Variants in DNPEP observed in about 807,000 individuals in gnomAD.
DNPEP encodes the protein aspartyl aminopeptidase.
Under a neutral mutation model 59.1 loss-of-function variants are expected in DNPEP, and 46 were observed. The ratio of observed to expected loss-of-function variants is 0.78; its 90% CI spans 0.61 to 0.99. The LOEUF (loss-of-function observed/expected upper bound fraction) is 0.99, where lower values mean the gene tolerates loss of function less well. Ranked by LOEUF, DNPEP falls within the 50% of genes least tolerant of loss-of-function variation. The pLI, the probability that DNPEP is intolerant of heterozygous loss-of-function variation, is 0.00. For synonymous variants in DNPEP, 229 were observed against 242.2 expected (o/e 0.95, Z 0.50); for missense variants, 617 against 649.9 (o/e 0.95, Z 0.55).
chr2:219,381,919 G>T, intron 11 of DNPEP, 60 bp downstream of exon 11: 1 of 1,587,474 alleles, frequency 6.3e-7, no homozygotes, highest in Non-Finnish European at 8.6e-7. Context: ...GAGCCTCAAG[G>T]CAGGTTATGC....
upstream of DNPEP, among the ~76,000 whole-genome samples, chr2:219,391,437 T>C (rs1160949724): frequency 1.3e-5 from 2 of 152,146 alleles, no homozygotes; most frequent in Non-Finnish European, 2.9e-5. Flanking sequence ...ATTTCCACCA[T>C]GCAGACACAA....
Position 219,387,899 on chromosome 2 carries a change from C to T in DNPEP, c.-105G>A. The T allele has an allele frequency of 1.4e-6, 2 of 1,397,942 alleles. No individual in the cohort carries two copies. The highest frequency in any genetic ancestry group is 1.6e-5 in the South Asian group (1 of 64,186). The allele number at this position is 1,397,942 out of a possible 1,614,324, so 86.6% of individuals were successfully genotyped here. On this transcript the variant is annotated 5_prime_UTR_variant, in exon 1 of 15. Transcript: ENST00000273075. The stretch of plus-strand genomic sequence containing the variant: ...TTCAGGCCGCGCCGCACTCGTAGGC[C>T]TTCATCACGCTTCCCCGGCCGCGCC...
chr2:219,399,704 C>T (rs572261885), intron 1 of DNPEP, among the ~76,000 whole-genome samples: 17 of 152,348 alleles, frequency 1.1e-4, no homozygotes, highest in Non-Finnish European at 2.2e-4. Context: ...TGTTAAGCCA[C>T]TTGCTCGAGG....
intron 8 of DNPEP, 172 bp from the exon 9 acceptor site, chr2:219,384,615 C>A: frequency 1.9e-6 from 1 of 524,954 alleles, no homozygotes; most frequent in East Asian, 3.5e-5. Flanking sequence ...GTCGCCCAGT[C>A]TGAAGTGCAA....
chr2:219,387,627 C>A, intron 1 of DNPEP, 132 bp downstream of exon 1: 2 of 1,545,162 alleles, frequency 1.3e-6, no homozygotes, highest in Non-Finnish European at 1.7e-6. Flanking sequence ...CGTCAGGTCA[C>A]CCTCCGCGGG....
intron 13 of DNPEP, among the ~76,000 whole-genome samples, chr2:219,378,006 T>C (rs946048247): frequency 2.6e-5 from 4 of 151,160 alleles, no homozygotes; most frequent in African/African-American, 4.9e-5. Context: ...AACAAAAATA[T>C]ATCCAATATA....
At chr2:219,389,211 GTAT>G (rs1198110462), upstream of DNPEP, among the ~76,000 whole-genome samples, 1 of 152,128 alleles carries the variant, frequency 6.6e-6, no homozygotes, top group Non-Finnish European at 1.5e-5. Context: ...GGCAGTTCCA[GTAT>G]TCCCATGTCA....
chr2:219,399,317 C>T (rs1026929280), intron 1 of DNPEP: 25 of 377,998 alleles, frequency 6.6e-5, no homozygotes, highest in East Asian at 1.5e-4. Context: ...AAACAGAAAC[C>T]GACCCACCCT....
chr2:219,393,962 C>A (rs1954057285), intron 1 of DNPEP, among the ~76,000 whole-genome samples: 4 of 152,144 alleles, frequency 2.6e-5, no homozygotes. Context: ...TTCCCTTTCT[C>A]CTGCATTATC....
upstream of DNPEP, among the ~76,000 whole-genome samples, chr2:219,393,249 G>A (rs1954046458): frequency 6.6e-6 from 1 of 152,132 alleles, no homozygotes. Context: ...GCTGCATGTG[G>A]TCCATAGGTG....
At position 219,387,859 on chromosome 2, in the gene DNPEP, T is replaced by A; in HGVS notation, c.-65A>T. ...CCCCGCCCCTCACTAGCTTTGCAGGTCCCCCGCGTGCCCCTTCAGGCCGCG... is the reference window on the plus strand; with the variant it reads ...CCCCGCCCCTCACTAGCTTTGCAGGACCCCCGCGTGCCCCTTCAGGCCGCG... On this transcript the variant is annotated 5_prime_UTR_variant, in exon 1 of 15. Coordinates refer to ENST00000273075, the MANE Select transcript of DNPEP (RefSeq NM_012100.4). 2.1e-6 allele frequency: 3 copies of A among 1,419,370 alleles called. No homozygotes were observed. The highest frequency in any genetic ancestry group is 2.8e-6 in the Non-Finnish European group (3 of 1,085,700). The allele number at this position is 1,419,370 out of a possible 1,614,324, so 87.9% of individuals were successfully genotyped here.
At chr2:219,393,086 G>A (rs1954043731), upstream of DNPEP, among the ~76,000 whole-genome samples, 1 of 151,982 alleles carries the variant, frequency 6.6e-6, no homozygotes. Context: ...GGCTTCCCTG[G>A]GCCACATTGG....
upstream of DNPEP, among the ~76,000 whole-genome samples, chr2:219,389,959 G>C (rs1245905342): frequency 6.6e-6 from 1 of 152,192 alleles, no homozygotes; most frequent in African/African-American, 2.4e-5. Context: ...CCGAAACAAG[G>C]CTACAATGTA....
chr2:219,378,795 G>A (rs902141422), intron 13 of DNPEP, among the ~76,000 whole-genome samples: 7 of 152,120 alleles, frequency 4.6e-5, no homozygotes, highest in Admixed American at 6.5e-5. Flanking sequence ...CGATGCCGGC[G>A]TAAATAAATC....
At chr2:219,393,254 T>C (rs536439682), upstream of DNPEP, among the ~76,000 whole-genome samples, 1 of 152,262 alleles carries the variant, frequency 6.6e-6, no homozygotes, top group South Asian at 2.1e-4. Flanking sequence ...ATGTGGTCCA[T>C]AGGTGGTGGG....
Position 219,374,092 on chromosome 2 carries a change from G to T in DNPEP, c.*200C>A. ...GATTTAAAACCATCAGCTCCCAGGA[G>T]TGTGGCCTCCTCCACCTGCTCCCCA... On this transcript the variant is annotated 3_prime_UTR_variant, in exon 15 of 15. Transcript: ENST00000273075. 3.5e-6 allele frequency: 2 copies of T among 579,152 alleles called. No individual in the cohort carries two copies. Among genetic ancestry groups the T allele is most frequent in the Non-Finnish European group, 3.1e-6 (1 of 323,126 alleles). 35.9% of individuals were successfully genotyped at this position (579,152 alleles called of 1,614,324 possible).
Position 219,386,031 on chromosome 2 carries a change from T to A in DNPEP, c.527A>T (p.His176Leu). The part of the protein sequence containing the change: ...HVERPILRIP[H>L]LAIHLQRNIN... ...ATTTCGCTGCAGATGGATGGCCAGG[T>A]GTGGGATGCGAAGAATGGGCCGCTC... The change falls in exon 6 of 15, where the codon CAC (histidine) becomes CTC (leucine). Residue 176 changes from histidine (H) to leucine (L), a missense_variant. His to Leu is a moderately conservative substitution (Grantham distance 99, BLOSUM62 -3). Transcript: ENST00000273075. The A allele has an allele frequency of 6.2e-7, 1 of 1,614,162 alleles. No homozygotes were observed. The highest frequency in any genetic ancestry group is 1.1e-5 in the South Asian group (1 of 91,086).
chr2:219,399,257 A>G (rs1163379153), intron 1 of DNPEP, among the ~76,000 whole-genome samples: 6 of 152,324 alleles, frequency 3.9e-5, no homozygotes, highest in Admixed American at 6.5e-5. Context: ...CAGCTTATGA[A>G]TCATGGCTTT....
chr2:219,386,525 G>A, intron 4 of DNPEP, 114 bp from the exon 5 acceptor site: 2 of 1,516,372 alleles, frequency 1.3e-6, no homozygotes, highest in South Asian at 2.4e-5. Context: ...AAAGGCTCAA[G>A]GTGTGAAGGA....
Sources: gnomAD v4.1 joint callset for allele counts (sites outside exome capture counted in the v4.1 genomes callset) on GRCh38, gnomAD v4.1.1 for gene constraint, MANE v1.5 for transcripts, NCBI Gene and HGNC (gene_info 2026-07-23, HGNC 2026-07-21) for gene names.